CNTN5: variants seen among roughly 807,000 people sequenced by gnomAD.
The protein encoded by CNTN5 is contactin-5.
CNTN5 carries 77 observed loss-of-function variants against 129.1 expected under a neutral mutation model. The ratio of observed to expected loss-of-function variants is 0.60; its 90% CI spans 0.50 to 0.72. The LOEUF is 0.72. Ranked by LOEUF, CNTN5 falls within the 30% of genes least tolerant of loss-of-function variation. The pLI, the probability that CNTN5 is intolerant of heterozygous loss-of-function variation, is 0.00. For synonymous variants in CNTN5, 509 were observed against 465.6 expected, an observed-to-expected ratio of 1.09 and a Z score of -1.20; for missense variants, 1,478 against 1,328.8, an observed-to-expected ratio of 1.11 and a Z score of -1.75.
intron 3 of CNTN5, among the ~76,000 whole-genome samples, chr11:99,769,903 T>C (rs1169672071): frequency 6.6e-6 from 1 of 152,162 alleles, no homozygotes; most frequent in East Asian, 1.9e-4. Flanking sequence ...TTATCAACTC[T>C]TGTCAACTAT....
chr11:99,967,511 G>C (rs1341693696), intron 8 of CNTN5, among the ~76,000 whole-genome samples: 6 of 152,080 alleles, frequency 3.9e-5, no homozygotes, highest in Admixed American at 2.0e-4. Flanking sequence ...TCTGGGATTT[G>C]CCTGTCCTTG....
intron 15 of CNTN5, among the ~76,000 whole-genome samples, chr11:100,209,266 G>A (rs1413057969): frequency 3.3e-5 from 5 of 152,262 alleles, no homozygotes; most frequent in Non-Finnish European, 7.4e-5. Flanking sequence ...GGAGGAGAGA[G>A]GTGTAGGAGA....
At chr11:99,612,264 A>G (rs1053298978) in intron 3 of CNTN5, among the ~76,000 whole-genome samples, 1 of 152,166 alleles carries the variant, frequency 6.6e-6, no homozygotes, top group African/African-American at 2.4e-5. Context: ...TGTAATTTCT[A>G]CTTGAGCAAG....
At chr11:99,135,097 A>AT (rs1859152864) in intron 1 of CNTN5, among the ~76,000 whole-genome samples, 1 of 152,174 alleles carries the variant, frequency 6.6e-6, no homozygotes, top group Admixed American at 6.5e-5. Context: ...AACCTCTTGT[A>AT]TGTCAGTTCA....
chr11:99,529,149 T>C (rs546313397), intron 2 of CNTN5, among the ~76,000 whole-genome samples: 2 of 152,210 alleles, frequency 1.3e-5, no homozygotes, highest in Admixed American at 1.3e-4. Context: ...CCAATTCACC[T>C]TTGTATTTGT....
At chr11:99,192,048 A>G (rs1170923593) in intron 1 of CNTN5, among the ~76,000 whole-genome samples, 3 of 151,810 alleles carry the variant, frequency 2.0e-5, no homozygotes, top group African/African-American at 7.2e-5. Context: ...AAATTGAAAT[A>G]CCAGAATGAA....
At chr11:100,038,606 T>C (rs1286308960) in intron 9 of CNTN5, among the ~76,000 whole-genome samples, 1 of 152,196 alleles carries the variant, frequency 6.6e-6, no homozygotes, top group African/African-American at 2.4e-5. Flanking sequence ...GGAGTCTAAG[T>C]CTCTTTGTAG....
chr11:99,772,717 G>A (rs1032312873), intron 3 of CNTN5, among the ~76,000 whole-genome samples: 6 of 152,052 alleles, frequency 3.9e-5, no homozygotes, highest in Non-Finnish European at 8.8e-5. Context: ...TACCTCTGAA[G>A]TTGAACAGGG....
At chr11:99,331,449 A>C (rs2136027066) in intron 2 of CNTN5, among the ~76,000 whole-genome samples, 1 of 152,276 alleles carries the variant, frequency 6.6e-6, no homozygotes, top group African/African-American at 2.4e-5. Context: ...TAATTTAATT[A>C]CCTCAACATG....
At chr11:99,556,554 A>AACATAT (rs778137551) in intron 3 of CNTN5, among the ~76,000 whole-genome samples, 1 of 72,332 alleles carries the variant, frequency 1.4e-5, no homozygotes, top group Non-Finnish European at 2.9e-5. Flanking sequence ...AAGGCTTGGA[A>AACATAT]ATATATATAT....
At chr11:100,243,232 T>C (rs1226164392) in intron 16 of CNTN5, among the ~76,000 whole-genome samples, 1 of 152,264 alleles carries the variant, frequency 6.6e-6, no homozygotes, top group Admixed American at 6.5e-5. Flanking sequence ...ATTCAGATGC[T>C]GAATTCTGGC....
chr11:100,027,603 A>G (rs1380180806), intron 9 of CNTN5, among the ~76,000 whole-genome samples: 2 of 152,078 alleles, frequency 1.3e-5, no homozygotes, highest in Admixed American at 6.5e-5. Flanking sequence ...TGAATTGAAT[A>G]CTCATGAGGG....
intron 13 of CNTN5, among the ~76,000 whole-genome samples, chr11:100,181,769 A>C (rs762153011): frequency 1.3e-5 from 2 of 152,050 alleles, no homozygotes; most frequent in African/African-American, 4.8e-5. Flanking sequence ...TAAATACTTT[A>C]AAAAAGCACC....
At chr11:99,418,000 T>C (rs75829793) in intron 2 of CNTN5, among the ~76,000 whole-genome samples, 1 of 152,280 alleles carries the variant, frequency 6.6e-6, no homozygotes, top group East Asian at 1.9e-4. Context: ...TTCAGATTTA[T>C]GAATATATAG....
chr11:99,062,003 AAGT>A (rs1864901650), intron 1 of CNTN5, among the ~76,000 whole-genome samples: 1 of 151,842 alleles, frequency 6.6e-6, no homozygotes, highest in South Asian at 2.1e-4. Context: ...AAAAAAAAAA[AAGT>A]CTCTGTGAAT....
At chr11:99,679,130 T>C (rs1365215210) in intron 3 of CNTN5, among the ~76,000 whole-genome samples, 2 of 147,750 alleles carry the variant, frequency 1.4e-5, no homozygotes, top group African/African-American at 4.9e-5. Flanking sequence ...TATATACTTA[T>C]AGGAAATATA....
At chr11:99,142,260 G>A (rs1432089454) in intron 1 of CNTN5, among the ~76,000 whole-genome samples, 1 of 151,648 alleles carries the variant, frequency 6.6e-6, no homozygotes, top group Non-Finnish European at 1.5e-5. Flanking sequence ...ACATCATCAG[G>A]GTTGTGGCAG....
chr11:100,202,004 C>T (rs1039857068), intron 15 of CNTN5, among the ~76,000 whole-genome samples: 29 of 151,998 alleles, frequency 1.9e-4, no homozygotes, highest in African/African-American at 7.0e-4. Context: ...CTGTTGAATG[C>T]CTAATAGATA....
intron 1 of CNTN5, among the ~76,000 whole-genome samples, chr11:99,194,661 A>G (rs1479543989): frequency 6.6e-6 from 1 of 152,078 alleles, no homozygotes; most frequent in Non-Finnish European, 1.5e-5. Context: ...GCTGGAGTGC[A>G]GTGGCCCGAT....
Sources: gnomAD v4.1 joint callset for allele counts (sites outside exome capture counted in the v4.1 genomes callset) on GRCh38, gnomAD v4.1.1 for gene constraint, MANE v1.5 for transcripts, NCBI Gene and HGNC (gene_info 2026-07-23, HGNC 2026-07-21) for gene names.